Variants in SCGN observed in about 807,000 individuals in gnomAD.
SCGN encodes secretagogin.
In SCGN, 30 loss-of-function variants were observed where a neutral mutation model predicts 39.7. The observed-to-expected ratio is 0.76, with a 90% CI of 0.57 to 1.03. SCGN has a LOEUF of 1.03. Ranked by LOEUF, SCGN falls within the 50% of genes least tolerant of loss-of-function variation. The probability of loss-of-function intolerance (pLI) is 0.00; values close to 1 mark genes in which losing one functional copy is unlikely to be tolerated. For synonymous variants in SCGN, 106 were observed against 114.1 expected (o/e 0.93, Z 0.45); for missense variants, 353 against 349.4 (o/e 1.01, Z -0.08).
intron 10 of SCGN, among the ~76,000 whole-genome samples, chr6:25,691,614 A>G (rs1759774479): frequency 6.6e-6 from 1 of 152,156 alleles, no homozygotes. Flanking sequence ...TTTAGATTAT[A>G]TTTACATCAC....
At chr6:25,666,177 TAAA>T (rs59692433) in intron 4 of SCGN, among the ~76,000 whole-genome samples, 2,412 of 124,554 alleles carry the variant, frequency 0.019, 43 homozygotes, top group African/African-American at 0.054. Flanking sequence ...CCATCTCTAC[TAAA>T]AAAAAAAAAA....
chr6:25,655,692 G>T (rs563525876), intron 2 of SCGN, among the ~76,000 whole-genome samples: 1 of 152,208 alleles, frequency 6.6e-6, no homozygotes, highest in South Asian at 2.1e-4. Flanking sequence ...CAGACCCCTA[G>T]GTCTCATCCT....
chr6:25,691,135 G>A lies in SCGN; in HGVS notation c.702+11G>A, dbSNP rs1759769284. 10 of 1,599,922 alleles carry A rather than the reference G, an allele frequency of 6.3e-6. No homozygotes were observed. Among genetic ancestry groups the A allele is most frequent in the South Asian group, 1.1e-5 (1 of 90,364 alleles). The stretch of plus-strand genomic sequence containing the variant: ...ATGGAGCTTGTCCAGGTGAGTGCAC[G>A]TTCTTCTTATTATGAAGTGGGGTTG... On this transcript the variant is annotated intron_variant, in intron 10 of 10. Coordinates refer to ENST00000377961, the MANE Select transcript of SCGN (RefSeq NM_006998.4).
intron 4 of SCGN, among the ~76,000 whole-genome samples, 189 bp downstream of exon 4, chr6:25,665,221 G>A (rs1760405876): frequency 6.6e-6 from 1 of 152,092 alleles, no homozygotes; most frequent in African/African-American, 2.4e-5. Context: ...GCTCAGTATT[G>A]TCCTGGGGTG....
At chr6:25,683,883 C>A (rs1192316896) in intron 7 of SCGN, among the ~76,000 whole-genome samples, 1 of 152,170 alleles carries the variant, frequency 6.6e-6, no homozygotes, top group African/African-American at 2.4e-5. Context: ...GTAAATTATG[C>A]AAACCTTGAG....
At chr6:25,673,969 G>A (rs1214384591) in intron 6 of SCGN, among the ~76,000 whole-genome samples, 5 of 152,088 alleles carry the variant, frequency 3.3e-5, no homozygotes, top group African/African-American at 1.2e-4. Context: ...GGCAAAAGCA[G>A]GAACAAGAGA....
intron 10 of SCGN, among the ~76,000 whole-genome samples, chr6:25,693,709 T>C (rs181606863): frequency 1.2e-3 from 187 of 152,276 alleles, no homozygotes; most frequent in African/African-American, 3.5e-3. Flanking sequence ...AGCTTGAAAA[T>C]TTTTGCTTCC....
chr6:25,699,932 C>T (rs1358528737), intron 10 of SCGN, among the ~76,000 whole-genome samples: 1 of 151,954 alleles, frequency 6.6e-6, no homozygotes, highest in East Asian at 1.9e-4. Context: ...CAAAAAAGGG[C>T]CACTTGGATC....
chr6:25,696,373 A>T (rs996115237), intron 10 of SCGN, among the ~76,000 whole-genome samples: 1 of 151,978 alleles, frequency 6.6e-6, no homozygotes, highest in African/African-American at 2.4e-5. Context: ...ACAATATCAT[A>T]GTATATTATT....
At position 25,701,492 on chromosome 6, in the gene SCGN, C is replaced by T. The variant is rs1045774306; in HGVS notation, c.*157C>T. ...GACGCTAGGGCCTTCCTTCCACCGG[C>T]GTGATCTATCCCTGTCTCACTGAAA... On this transcript the variant is annotated 3_prime_UTR_variant, in exon 11 of 11. Transcript: ENST00000377961. 11 of 811,218 alleles carry T rather than the reference C, an allele frequency of 1.4e-5. No homozygotes were observed. Among genetic ancestry groups the T allele is most frequent in the Admixed American group, 8.2e-5 (3 of 36,704 alleles). The allele number at this position is 811,218 out of a possible 1,614,324, so 50.3% of individuals were successfully genotyped here.
intron 7 of SCGN, among the ~76,000 whole-genome samples, chr6:25,688,162 T>C (rs1017979451): frequency 3.3e-5 from 5 of 152,226 alleles, no homozygotes; most frequent in Non-Finnish European, 2.9e-5. Context: ...TTACCGCTCC[T>C]GGTGCTCTTT....
At chr6:25,686,858 ATGTTAAT>A (rs1260524231) in intron 7 of SCGN, among the ~76,000 whole-genome samples, 24 of 152,072 alleles carry the variant, frequency 1.6e-4, no homozygotes, top group Non-Finnish European at 2.5e-4. Flanking sequence ...AATCCTTTTC[ATGTTAAT>A]TGTTTAATAC....
intron 2 of SCGN, among the ~76,000 whole-genome samples, chr6:25,660,753 C>CA (rs1446966742): frequency 6.6e-6 from 1 of 152,190 alleles, no homozygotes; most frequent in Non-Finnish European, 1.5e-5. Context: ...AATGAGTCAA[C>CA]AGGATTACCT....
At chr6:25,700,169 C>T (rs1000321046) in intron 10 of SCGN, among the ~76,000 whole-genome samples, 5 of 140,298 alleles carry the variant, frequency 3.6e-5, no homozygotes, top group Admixed American at 8.0e-5. Context: ...CGCTTGAACC[C>T]GGGAGACGGT....
At chr6:25,691,631 G>A (rs1412057652) in intron 10 of SCGN, among the ~76,000 whole-genome samples, 2 of 152,160 alleles carry the variant, frequency 1.3e-5, no homozygotes, top group Non-Finnish European at 2.9e-5. Context: ...TCACACAGCT[G>A]TTTTATGTAG....
chr6:25,659,280 C>T (rs531962614), intron 2 of SCGN, among the ~76,000 whole-genome samples: 9 of 152,340 alleles, frequency 5.9e-5, no homozygotes, highest in African/African-American at 1.9e-4. Context: ...AGCAAGTCAT[C>T]AAGCTGTCCT....
At position 25,664,985 on chromosome 6, in the gene SCGN, C is replaced by T. The variant is rs746194972; in HGVS notation, c.289C>T (p.Leu97Phe). The change falls in exon 4 of 11, where the codon CTC becomes TTC. Residue 97 changes from leucine (L) to phenylalanine (F), a missense_variant. Leu to Phe is a conservative substitution (Grantham distance 22). Coordinates refer to ENST00000377961, the MANE Select transcript of SCGN (RefSeq NM_006998.4). The stretch of plus-strand genomic sequence containing the variant: ...ATCTGAGGATGAAAACTTTCTTCTG[C>T]TCTTTCGCCGGGAAAACCCACTGGA... ...FLSEDENFLL[L>F]FRRENPLDSS... is the part of the protein sequence containing the mutation. 6.2e-7 allele frequency: 1 copy of T among 1,614,028 alleles called. No individual in the cohort carries two copies. The highest frequency in any genetic ancestry group is 8.5e-7 in the Non-Finnish European group (1 of 1,179,930).
intron 7 of SCGN, among the ~76,000 whole-genome samples, chr6:25,685,621 T>C (rs1411552569): frequency 6.6e-6 from 1 of 152,136 alleles, no homozygotes; most frequent in African/African-American, 2.4e-5. Flanking sequence ...TAATGTTGAA[T>C]TTACTGAAAC....
chr6:25,656,493 G>C (rs980389626), intron 2 of SCGN, among the ~76,000 whole-genome samples: 29 of 152,202 alleles, frequency 1.9e-4, no homozygotes, highest in Admixed American at 2.0e-4. Context: ...AATTGCTGCT[G>C]TTTCTGTTAC....
Sources: gnomAD v4.1 joint callset for allele counts (sites outside exome capture counted in the v4.1 genomes callset) on GRCh38, gnomAD v4.1.1 for gene constraint, MANE v1.5 for transcripts, NCBI Gene and HGNC (gene_info 2026-07-23, HGNC 2026-07-21) for gene names.